The following LCORL variants were observed in gnomAD, a reference collection of about 807,000 sequenced individuals.
The protein encoded by LCORL is ligand dependent nuclear receptor corepressor like, also known as ligand-dependent nuclear receptor corepressor-like protein.
Under a neutral mutation model 141.8 loss-of-function variants are expected in LCORL, and 41 were observed. The observed-to-expected ratio is 0.29, with a 90% CI of 0.23 to 0.38. The LOEUF (loss-of-function observed/expected upper bound fraction) is 0.38. Among genes scored for constraint, LCORL ranks in the 10% least tolerant of loss-of-function variants. LCORL has a pLI of 1.00. For missense variants in LCORL, 1,759 were observed against 2,035.0 expected (o/e 0.86, Z 2.61); for synonymous variants, 618 against 694.1 (o/e 0.89, Z 1.72).
intron 1 of LCORL, among the ~76,000 whole-genome samples, chr4:18,016,381 T>G (rs1169969324): frequency 6.6e-6 from 1 of 152,176 alleles, no homozygotes; most frequent in East Asian, 1.9e-4. Flanking sequence ...CCTTTATGTT[T>G]ATTTGCTGTT....
At chr4:17,866,289 C>T (rs560048694) in intron 7 of LCORL, among the ~76,000 whole-genome samples, 2 of 152,324 alleles carry the variant, frequency 1.3e-5, no homozygotes, top group East Asian at 3.9e-4. Context: ...ACTCTTCCTT[C>T]ACTTGGTAAA....
At position 18,021,809 on chromosome 4, in the gene LCORL, G is replaced by GGCGCGAGCCCTCGGCGCGAGCCCCGGA; in HGVS notation, c.-85_-59dup. On this transcript the variant is annotated 5_prime_UTR_variant, in exon 1 of 8. Transcript: ENST00000635767. This position sits in a 1 kb window ranked among gnomAD's most constrained non-coding sequence, Gnocchi z 5.5. ...ACGAGCAGCGCAGGCACGAGGCAGG[G>GGCGCGAGCCCTCGGCGCGAGCCCCGGA]GCGCGAGCCCTCGGCGCGAGCCCCG... 7.6e-7 allele frequency: 1 copy of GGCGCGAGCCCTCGGCGCGAGCCCCGGA among 1,313,716 alleles called. No homozygotes were observed. Among genetic ancestry groups the GGCGCGAGCCCTCGGCGCGAGCCCCGGA allele is most frequent in the African/African-American group, 1.5e-5 (1 of 64,610 alleles). The allele number at this position is 1,313,716 out of a possible 1,614,324, so 81.4% of individuals were successfully genotyped here.
chr4:18,021,856 G>C lies in LCORL; in HGVS notation c.-105C>G, dbSNP rs1442973122. On this transcript the variant is annotated 5_prime_UTR_variant, in exon 1 of 8. Coordinates refer to ENST00000635767, the Ensembl canonical transcript of LCORL. This position sits in a 1 kb window ranked among gnomAD's most constrained non-coding sequence, Gnocchi z 5.5. The stretch of plus-strand genomic sequence containing the variant: ...CCCGGAGCGCGCGCCCCCCGGAGGG[G>C]GGTTGATTGACACGTGTCACTACCT... 12 of 1,301,128 alleles carry C rather than the reference G, an allele frequency of 9.2e-6. No individual in the cohort carries two copies. Among genetic ancestry groups the C allele is most frequent in the Admixed American group, 3.4e-5 (1 of 29,000 alleles). The allele number at this position is 1,301,128 out of a possible 1,614,324, so 80.6% of individuals were successfully genotyped here. A position where few individuals can be genotyped will look rare whatever the true frequency, so the allele number is the denominator to read the frequency against.
exon 7 of LCORL, chr4:17,875,393 A>G: frequency 1.6e-6 from 2 of 1,231,440 alleles, no homozygotes; most frequent in Non-Finnish European, 2.0e-6. Flanking sequence ...AGCTTGCTAC[A>G]GCACTTATTC....
intron 5 of LCORL, among the ~76,000 whole-genome samples, chr4:17,889,941 T>C (rs993660231): frequency 6.6e-6 from 1 of 152,070 alleles, no homozygotes; most frequent in African/African-American, 2.4e-5. Flanking sequence ...GTGAATAATG[T>C]AGATAAAATT....
chr4:17,863,618 A>G (rs1725267198), intron 7 of LCORL, among the ~76,000 whole-genome samples: 1 of 152,240 alleles, frequency 6.6e-6, no homozygotes, highest in African/African-American at 2.4e-5. Context: ...TAGAACTACC[A>G]TTTGATCCAG....
At chr4:17,952,724 T>C (rs1390971884) in intron 4 of LCORL, among the ~76,000 whole-genome samples, 26 of 152,168 alleles carry the variant, frequency 1.7e-4, no homozygotes, top group Admixed American at 1.6e-3. Flanking sequence ...CAAAAACAAT[T>C]TTTTAAAACT....
At chr4:17,996,131 C>G (rs1206115819) in intron 1 of LCORL, among the ~76,000 whole-genome samples, 1 of 152,086 alleles carries the variant, frequency 6.6e-6, no homozygotes, top group Non-Finnish European at 1.5e-5. Flanking sequence ...ACCAGATTTA[C>G]TCATGCCTAA....
At chr4:17,924,158 C>T (rs1464388939) in intron 4 of LCORL, among the ~76,000 whole-genome samples, 1 of 152,108 alleles carries the variant, frequency 6.6e-6, no homozygotes, top group East Asian at 1.9e-4. Context: ...GGCTGGACCT[C>T]TCTGAGTGCT....
chr4:17,882,717 A>T (rs541444301), intron 6 of LCORL: 2 of 984,512 alleles, frequency 2.0e-6, no homozygotes, highest in African/African-American at 3.5e-5. Flanking sequence ...ACAGCAGCAA[A>T]TATATTAAAG....
intron 1 of LCORL, among the ~76,000 whole-genome samples, chr4:17,993,961 G>C (rs1297665734): frequency 6.6e-6 from 1 of 152,142 alleles, no homozygotes; most frequent in East Asian, 1.9e-4. Context: ...AAAAGTTCTG[G>C]CTTGAGAAAT....
chr4:18,010,251 T>A (rs1723488118), intron 1 of LCORL, among the ~76,000 whole-genome samples: 1 of 152,066 alleles, frequency 6.6e-6, no homozygotes, highest in Non-Finnish European at 1.5e-5. Context: ...CTTAAGTATC[T>A]TACATAGGCC....
At chr4:18,016,395 CA>C (rs1724642688) in intron 1 of LCORL, among the ~76,000 whole-genome samples, 1 of 152,094 alleles carries the variant, frequency 6.6e-6, no homozygotes, top group Admixed American at 6.5e-5. Context: ...TGCTGTTTTA[CA>C]CTACCAAAAT....
intron 4 of LCORL, among the ~76,000 whole-genome samples, chr4:17,916,769 C>T (rs191308571): frequency 1.2e-4 from 18 of 151,302 alleles, no homozygotes; most frequent in Non-Finnish European, 2.4e-4. Flanking sequence ...CTCCATCTCC[C>T]GAGTAGCTGG....
chr4:17,971,546 T>C (rs1463447212), intron 2 of LCORL, among the ~76,000 whole-genome samples: 1 of 151,742 alleles, frequency 6.6e-6, no homozygotes, highest in Non-Finnish European at 1.5e-5. Flanking sequence ...GATTATTTTC[T>C]TGTGATACCT....
intron 7 of LCORL, among the ~76,000 whole-genome samples, chr4:17,863,092 G>A (rs1213788867): frequency 1.3e-5 from 2 of 152,178 alleles, no homozygotes; most frequent in African/African-American, 4.8e-5. Flanking sequence ...GAGGTGGGTG[G>A]ATCACCTGAG....
At chr4:17,892,709 A>G (rs534114020) in intron 5 of LCORL, among the ~76,000 whole-genome samples, 9 of 152,242 alleles carry the variant, frequency 5.9e-5, no homozygotes, top group Non-Finnish European at 1.0e-4. Context: ...AGGTGAAATT[A>G]AAATAAGGCT....
intron 6 of LCORL, chr4:17,882,492 T>G: frequency 1.0e-6 from 1 of 984,554 alleles, no homozygotes; most frequent in South Asian, 4.7e-5. Flanking sequence ...ATGAGTCTAG[T>G]AAAAGTTAAA....
intron 1 of LCORL, among the ~76,000 whole-genome samples, chr4:17,987,012 T>C (rs35348660): frequency 6.6e-6 from 1 of 152,044 alleles, no homozygotes; most frequent in Non-Finnish European, 1.5e-5. Context: ...TTTTTGAAAG[T>C]CAAAAATCAT....
Sources: allele counts gnomAD v4.1 joint callset (sites outside exome capture counted in the v4.1 genomes callset), GRCh38; gene constraint gnomAD v4.1.1; non-coding constraint Gnocchi (gnomAD v3.1); transcripts MANE v1.5; gene names NCBI Gene and HGNC (gene_info 2026-07-23, HGNC 2026-07-21).